The following C8orf34 variants were observed in gnomAD, a reference collection of about 807,000 sequenced individuals.
C8orf34 encodes chromosome 8 open reading frame 34, also known as uncharacterized protein C8orf34.
In C8orf34, 65 loss-of-function variants were observed where a neutral mutation model predicts 68.3. The observed-to-expected ratio is 0.95, with a 90% CI of 0.78 to 1.17. The LOEUF (loss-of-function observed/expected upper bound fraction) is 1.17. Among genes scored for constraint, C8orf34 ranks in the 50% most tolerant of loss-of-function variants. The pLI is 0.00. For missense variants in C8orf34, 664 were observed against 655.4 expected (o/e 1.01, Z -0.14); for synonymous variants, 244 against 241.2 (o/e 1.01, Z -0.11).
At chr8:68,408,745 G>C (rs1809312717) in intron 1 of C8orf34, among the ~76,000 whole-genome samples, 3 of 152,106 alleles carry the variant, frequency 2.0e-5, no homozygotes, top group Non-Finnish European at 4.4e-5. Flanking sequence ...TGGTGATGCT[G>C]GTGTGAACAA....
chr8:68,549,319 G>A (rs752998223), intron 7 of C8orf34, among the ~76,000 whole-genome samples: 2 of 151,822 alleles, frequency 1.3e-5, no homozygotes, highest in South Asian at 4.2e-4. Flanking sequence ...AAATATGTTT[G>A]TTCACAAAGG....
At chr8:68,540,755 T>C (rs982361642) in intron 7 of C8orf34, among the ~76,000 whole-genome samples, 29 of 152,006 alleles carry the variant, frequency 1.9e-4, no homozygotes, top group African/African-American at 6.0e-4. Context: ...AGCAGGAGAA[T>C]TGCTTGAACC....
intron 5 of C8orf34, among the ~76,000 whole-genome samples, chr8:68,492,917 C>T (rs1813375848): frequency 6.6e-6 from 1 of 152,138 alleles, no homozygotes; most frequent in African/African-American, 2.4e-5. Context: ...TCGGCACCTG[C>T]CATTTACTAA....
At chr8:68,558,416 A>G (rs1482725021) in intron 7 of C8orf34, among the ~76,000 whole-genome samples, 1 of 152,184 alleles carries the variant, frequency 6.6e-6, no homozygotes, top group Non-Finnish European at 1.5e-5. Flanking sequence ...TTAATGAAAT[A>G]TACCTCTCTT....
chr8:68,574,034 A>T (rs1000743070), intron 7 of C8orf34, among the ~76,000 whole-genome samples: 1 of 152,112 alleles, frequency 6.6e-6, no homozygotes, highest in African/African-American at 2.4e-5. Context: ...AACTTTACCC[A>T]TTTCCCAAAT....
chr8:68,602,519 C>T (rs777966321), intron 7 of C8orf34, among the ~76,000 whole-genome samples: 4 of 151,984 alleles, frequency 2.6e-5, no homozygotes, highest in African/African-American at 4.8e-5. Context: ...CTCACCATCA[C>T]GAGAATAGCA....
chr8:68,618,131 A>G (rs1435221915), intron 7 of C8orf34, among the ~76,000 whole-genome samples: 1 of 152,098 alleles, frequency 6.6e-6, no homozygotes, highest in Non-Finnish European at 1.5e-5. Context: ...CAATTTTCTT[A>G]AAATAATTTT....
At chr8:68,373,361 G>T (rs1376251359) in intron 1 of C8orf34, among the ~76,000 whole-genome samples, 1 of 152,176 alleles carries the variant, frequency 6.6e-6, no homozygotes, top group Non-Finnish European at 1.5e-5. Context: ...ACAGATGGGG[G>T]AAAAGGGAAG....
At chr8:68,385,025 T>C (rs1808201822) in intron 1 of C8orf34, among the ~76,000 whole-genome samples, 1 of 152,066 alleles carries the variant, frequency 6.6e-6, no homozygotes, top group Non-Finnish European at 1.5e-5. Flanking sequence ...TTTTAATGAG[T>C]TTAAAGTCTC....
At chr8:68,791,171 A>T (rs1412112468) in intron 12 of C8orf34, 2 of 415,664 alleles carry the variant, frequency 4.8e-6, no homozygotes, top group Admixed American at 8.3e-5. Context: ...GGTTTAATTG[A>T]CTCACAGTTC....
At chr8:68,626,317 CAAAAT>C (rs1483388105) in intron 7 of C8orf34, among the ~76,000 whole-genome samples, 4 of 152,102 alleles carry the variant, frequency 2.6e-5, no homozygotes, top group African/African-American at 7.2e-5. Context: ...AAATCAAAGA[CAAAAT>C]AAACTAAAAT....
chr8:68,384,514 A>C (rs943700592), intron 1 of C8orf34, among the ~76,000 whole-genome samples: 10 of 152,134 alleles, frequency 6.6e-5, no homozygotes, highest in Admixed American at 5.9e-4. Flanking sequence ...TAATAGTAAA[A>C]CTCTAGGCTG....
chr8:68,442,195 G>A (rs562506052), intron 2 of C8orf34, among the ~76,000 whole-genome samples: 1 of 152,098 alleles, frequency 6.6e-6, no homozygotes, highest in Non-Finnish European at 1.5e-5. Flanking sequence ...TGGTTGGGGG[G>A]TCAGATAGGG....
At chr8:68,494,560 A>T (rs535679924) in intron 5 of C8orf34, among the ~76,000 whole-genome samples, 1 of 152,296 alleles carries the variant, frequency 6.6e-6, no homozygotes, top group South Asian at 2.1e-4. Context: ...GTAACTAAAA[A>T]ATATAGTCTT....
At chr8:68,597,599 T>C (rs1817583258) in intron 7 of C8orf34, among the ~76,000 whole-genome samples, 1 of 151,902 alleles carries the variant, frequency 6.6e-6, no homozygotes, top group Admixed American at 6.6e-5. Flanking sequence ...TGTGTGTGTG[T>C]GTGCACGGAC....
intron 1 of C8orf34, among the ~76,000 whole-genome samples, chr8:68,432,638 T>C (rs1810495757): frequency 1.3e-5 from 2 of 152,108 alleles, no homozygotes; most frequent in African/African-American, 4.8e-5. Flanking sequence ...TCCATTGAAA[T>C]CACAGTTTTG....
intron 3 of C8orf34, among the ~76,000 whole-genome samples, chr8:68,460,650 T>A (rs1811771289): frequency 6.6e-6 from 1 of 152,196 alleles, no homozygotes; most frequent in Non-Finnish European, 1.5e-5. Flanking sequence ...TCCGCTGTTC[T>A]ACAGCCACGA....
At chr8:68,733,206 C>G (rs553806637) in intron 10 of C8orf34, among the ~76,000 whole-genome samples, 45 of 152,116 alleles carry the variant, frequency 3.0e-4, no homozygotes, top group African/African-American at 1.1e-3. Context: ...TTAATTTTTA[C>G]CAGGCATTGT....
At chr8:68,578,006 A>G (rs898082554) in intron 7 of C8orf34, among the ~76,000 whole-genome samples, 1 of 151,848 alleles carries the variant, frequency 6.6e-6, no homozygotes, top group Non-Finnish European at 1.5e-5. Context: ...ATTTTCCACC[A>G]TAGTCTTGGG....
Sources: allele counts gnomAD v4.1 joint callset (sites outside exome capture counted in the v4.1 genomes callset), GRCh38; gene constraint gnomAD v4.1.1; transcripts MANE v1.5; gene names NCBI Gene and HGNC (gene_info 2026-07-23, HGNC 2026-07-21).